Variants in CEP290 observed in about 807,000 individuals in gnomAD.
CEP290 encodes centrosomal protein of 290 kDa.
A neutral mutation model predicts 344.9 loss-of-function variants in CEP290; 317 were observed. The ratio of observed to expected loss-of-function variants is 0.92; its 90% CI spans 0.84 to 1.01. The LOEUF is 1.01. CEP290 is among the 50% of genes least tolerant of loss of function. CEP290 has a pLI of 0.00. For missense variants in CEP290, 2,754 were observed against 2,761.4 expected, an observed-to-expected ratio of 1.00 and a Z score of 0.06; for synonymous variants, 932 against 895.8, an observed-to-expected ratio of 1.04 and a Z score of -0.72.
rs1372868530 is a variant in CEP290 at position 88,111,357 on chromosome 12, A to G, written c.2218-6T>C. On this transcript the variant is annotated splice_region_variant and splice_polypyrimidine_tract_variant and intron_variant, in intron 21 of 53. Transcript: ENST00000552810. ...TCTTTTTCAAGATGGTCTATCTGGA[A>G]AAAAAAATCCAGCAATGAGAATCAC... 6.4e-7 allele frequency: 1 copy of G among 1,560,892 alleles called. No individual in the cohort carries two copies. The highest frequency in any genetic ancestry group is 2.3e-5 in the East Asian group (1 of 42,556).
In CEP290 at chr12:88,107,003, TCTTTTA is replaced by T; in HGVS notation, c.2573_2578del (p.Val858_Lys859del). 3 of 1,544,718 alleles carry T rather than the reference TCTTTTA, an allele frequency of 1.9e-6. No homozygotes were observed. Among genetic ancestry groups the T allele is most frequent in the Non-Finnish European group, 2.6e-6 (3 of 1,143,594 alleles). ...TAAAAATGTTTTACTTACATTATAT[TCTTTTA>T]CTTTTATAGCATCTTGTTGGACTTG... On this transcript the variant is annotated inframe_deletion, in exon 24 of 54. Transcript: ENST00000552810.
At chr12:88,111,659 G>A in intron 21 of CEP290, 35 bp downstream of exon 21, 4 of 1,512,470 alleles carry the variant, frequency 2.6e-6, no homozygotes, top group Non-Finnish European at 2.7e-6. Flanking sequence ...ACATTCTTAT[G>A]TTTAGCATTT....
At position 88,096,108 on chromosome 12, in the gene CEP290, GTATGATC is replaced by G. The variant is rs376511437; in HGVS notation, c.3103+773_3103+779del. On this transcript the variant is annotated intron_variant, in intron 27 of 53. Coordinates refer to ENST00000552810, the MANE Select transcript of CEP290 (RefSeq NM_025114.4). ...TTATCGCCTAGGCTGGAGTGCTGTG[GTATGATC>G]TTGGCTCACTGCAACCTCTGACTCC... is the stretch of plus-strand genomic sequence containing the variant. 5.3e-4 allele frequency among the ~76,000 whole-genome samples: 80 copies of G among 151,932 alleles called. No individual in the cohort carries two copies. The East Asian group carries it at 9.7e-3, about 18-fold the overall frequency.
Position 88,058,961 on chromosome 12 carries a change from C to G in CEP290, c.6705G>C (p.Glu2235Asp). The G allele has an allele frequency of 1.9e-6, 3 of 1,613,594 alleles. No individual in the cohort carries two copies. Among genetic ancestry groups the G allele is most frequent in the Non-Finnish European group, 2.5e-6 (3 of 1,179,678 alleles). The change falls in exon 49 of 54, where the codon GAG (glutamate) becomes GAC (aspartate). Residue 2235 changes from glutamate to aspartate, a missense_variant. By Grantham distance (45) the Glu-to-Asp change is conservative (BLOSUM62 2). Transcript: ENST00000552810. ...TCTCTTCTAGTTGAACTGTCATCTTCTCATTTAATATCTCTAAATTATTCT... is the reference window on the plus strand; with the variant it reads ...TCTCTTCTAGTTGAACTGTCATCTTGTCATTTAATATCTCTAAATTATTCT... ...IAKNNLEILN[E>D]KMTVQLEETG... is the part of the protein sequence containing the mutation.
intron 37 of CEP290, among the ~76,000 whole-genome samples, chr12:88,081,537 T>C (rs1174254188): frequency 6.6e-6 from 1 of 152,212 alleles, no homozygotes; most frequent in Non-Finnish European, 1.5e-5. Flanking sequence ...TGTTAAGACA[T>C]GAACAAATGT....
At chr12:88,071,248 C>T (rs1398633765) in intron 43 of CEP290, 46 bp downstream of exon 43, 2 of 1,474,876 alleles carry the variant, frequency 1.4e-6, no homozygotes, top group South Asian at 2.4e-5. Context: ...AGGGGTCAAC[C>T]AGTTTTTCAT....
Position 88,139,549 on chromosome 12 carries a change from C to T in CEP290, c.196G>A (p.Val66Met), listed in dbSNP as rs748129496. Residue 66 changes from valine to methionine, a missense_variant, in exon 4 of 54, where the codon GTG becomes ATG. Coordinates refer to ENST00000552810, the MANE Select transcript of CEP290 (RefSeq NM_025114.4). ...QSLMKMKAQE[V>M]ELALEEVEKA... ...TCTACTTCTTCCAAAGCCAGCTCCA[C>T]TTCTTGAGCTTTCATCTAAACATTA... is the stretch of plus-strand genomic sequence containing the variant. 6.3e-7 allele frequency: 1 copy of T among 1,585,434 alleles called. No homozygotes were observed. The highest frequency in any genetic ancestry group is 8.6e-7 in the Non-Finnish European group (1 of 1,167,082).
Position 88,118,485 on chromosome 12 carries a change from GA to G in CEP290, c.1708del (p.Ser570GlnfsTer3). ...AGGTTTAGAATAACTGAGTATACCT[GA>G]AGTTGCACTTCTTTTTCCTCTTTCT... ...AQERGKRSAT[S>X]GLTTEDLNLT... On this transcript the variant is annotated frameshift_variant, in exon 17 of 54. Transcript: ENST00000552810. LOFTEE classifies it high-confidence loss of function. 1 of 1,553,898 alleles carries G rather than the reference GA, an allele frequency of 6.4e-7. No individual in the cohort carries two copies. The highest frequency in any genetic ancestry group is 8.7e-7 in the Non-Finnish European group (1 of 1,147,396).
At chr12:88,091,875 C>T (rs1391656784) in intron 29 of CEP290, among the ~76,000 whole-genome samples, 1 of 152,068 alleles carries the variant, frequency 6.6e-6, no homozygotes, top group Non-Finnish European at 1.5e-5. Flanking sequence ...AATGAAAATA[C>T]AGCATATAGC....
At chr12:88,067,899 G>A (rs1314974933) in intron 44 of CEP290, among the ~76,000 whole-genome samples, 1 of 152,132 alleles carries the variant, frequency 6.6e-6, no homozygotes, top group Non-Finnish European at 1.5e-5. Context: ...TTGGCACCTA[G>A]TCTTTTACCA....
At chr12:88,136,913 C>A in intron 5 of CEP290, 127 bp from the exon 6 acceptor site, 3 of 839,742 alleles carry the variant, frequency 3.6e-6, no homozygotes, top group Non-Finnish European at 5.6e-6. Context: ...TATTTAAAAT[C>A]ATATTAGCTT....
At chr12:88,110,634 A>G (rs7137052) in intron 22 of CEP290, among the ~76,000 whole-genome samples, 6,247 of 152,110 alleles carry the variant, frequency 0.041, 433 homozygotes, top group African/African-American at 0.14. Flanking sequence ...ACTTAAACTC[A>G]GGAGGTGGAA....
At chr12:88,061,406 T>C (rs980132546) in intron 46 of CEP290, among the ~76,000 whole-genome samples, 1 of 152,168 alleles carries the variant, frequency 6.6e-6, no homozygotes, top group Non-Finnish European at 1.5e-5. Context: ...TGCAACATAA[T>C]AGAGGCAATT....
rs536506311 is a variant in CEP290 at position 88,052,626 on chromosome 12, TGCATATATATACATACAC to T, written c.7129+1008_7129+1025del. ...CTGCTACGGGAAATATGTACAGACA[TGCATATATATACATACAC>T]GCATATATATACATACACGCATATA... On this transcript the variant is annotated intron_variant, in intron 52 of 53. Coordinates refer to ENST00000552810, the MANE Select transcript of CEP290 (RefSeq NM_025114.4). Among the ~76,000 whole-genome samples, 348 of 152,232 alleles carry T rather than the reference TGCATATATATACATACAC, an allele frequency of 2.3e-3. 2 individuals carry two copies. Among genetic ancestry groups the T allele is most frequent in the African/African-American group, 8.0e-3 (332 of 41,540 alleles).
At chr12:88,072,250 T>C (rs1426161575) in intron 41 of CEP290, among the ~76,000 whole-genome samples, 1 of 152,184 alleles carries the variant, frequency 6.6e-6, no homozygotes. Flanking sequence ...GGAGGTAGTA[T>C]TATACAATAT....
At chr12:88,127,609 TTAAC>T (rs1229414184) in intron 11 of CEP290, among the ~76,000 whole-genome samples, 1 of 151,964 alleles carries the variant, frequency 6.6e-6, no homozygotes, top group Non-Finnish European at 1.5e-5. Context: ...AATAATAAAT[TTAAC>T]TAAGCATAAA....
chr12:88,133,520 T>C (rs942917074), intron 6 of CEP290, among the ~76,000 whole-genome samples: 1 of 152,190 alleles, frequency 6.6e-6, no homozygotes, highest in Non-Finnish European at 1.5e-5. Context: ...GCAATGAACA[T>C]ATGTGTGCAA....
chr12:88,077,966 T>G (rs760352731), intron 39 of CEP290, 48 bp from the exon 40 acceptor site: 57 of 799,634 alleles, frequency 7.1e-5, no homozygotes, highest in Non-Finnish European at 7.9e-5. Flanking sequence ...TCAAGAAGTA[T>G]CAATGATAAA....
rs754330511 is a variant in CEP290, at chr12:88,126,456, A to G, written c.943-18T>C. 4.8e-6 allele frequency: 7 copies of G among 1,454,342 alleles called. No homozygotes were observed. Among genetic ancestry groups the G allele is most frequent in the Non-Finnish European group, 6.4e-6 (7 of 1,090,816 alleles). The allele number at this position is 1,454,342 out of a possible 1,614,324, so 90.1% of individuals were successfully genotyped here. On this transcript the variant is annotated intron_variant, in intron 11 of 53. Coordinates refer to ENST00000552810, the MANE Select transcript of CEP290 (RefSeq NM_025114.4). ...AAAATTAGCTAGAAATAAACACAAT[A>G]GAATCTGTTATGCAAAAGGAAAGTT...
Sources: gnomAD v4.1 joint callset for allele counts (sites outside exome capture counted in the v4.1 genomes callset) on GRCh38, gnomAD v4.1.1 for gene constraint, MANE v1.5 for transcripts, NCBI Gene and HGNC (gene_info 2026-07-23, HGNC 2026-07-21) for gene names.